Variants in CUL2 observed in about 807,000 individuals in gnomAD.
CUL2 encodes cullin 2, also known as cullin-2.
CUL2 carries 22 observed loss-of-function variants against 110.2 expected under a neutral mutation model. That is an observed-to-expected ratio of 0.20 (90% CI 0.14 to 0.28). The LOEUF (loss-of-function observed/expected upper bound fraction) is 0.28. Among genes scored for constraint, CUL2 ranks in the 10% least tolerant of loss-of-function variants. The pLI is 1.00. For missense variants in CUL2, 631 were observed against 905.5 expected (o/e 0.70, Z 3.89); for synonymous variants, 279 against 293.2 (o/e 0.95, Z 0.49).
At chr10:35,027,560 CCA>C (rs2085367999) in intron 16 of CUL2, among the ~76,000 whole-genome samples, 1 of 152,090 alleles carries the variant, frequency 6.6e-6, no homozygotes, top group African/African-American at 2.4e-5. Flanking sequence ...AGCTTTAATT[CCA>C]CAGTTTTGAG....
chr10:35,068,173 C>T (rs117379382), intron 2 of CUL2, among the ~76,000 whole-genome samples: 2 of 151,244 alleles, frequency 1.3e-5, no homozygotes, highest in Non-Finnish European at 2.9e-5. Context: ...GTAATCTCAG[C>T]ACTTCAGGAG....
rs901460731 is a variant in CUL2 at position 35,049,831 on chromosome 10, T to A, written c.424-66A>T. 8.4e-6 allele frequency: 9 copies of A among 1,066,766 alleles called. No homozygotes were observed. In the South Asian group the frequency reaches 8.6e-5, roughly 10 times the overall value. The allele number at this position is 1,066,766 out of a possible 1,614,324, so 66.1% of individuals were successfully genotyped here. On this transcript the variant is annotated intron_variant, in intron 5 of 20. Transcript: ENST00000374749. ...GTATATGTTTAACATTTCCTCAAGG[T>A]TTTTTTTAACTAAAAATACTCATCA...
rs1554851929 is a variant in CUL2 at position 35,009,201 on chromosome 10, T to TATTATATATA, written c.*1109_*1110insTATATATAAT. 1 of 137,896 alleles carries TATTATATATA rather than the reference T, an allele frequency of 7.3e-6. No homozygotes were observed. The highest frequency in any genetic ancestry group is 2.7e-5 in the African/African-American group (1 of 37,358). 8.5% of individuals were successfully genotyped at this position (137,896 alleles called of 1,614,324 possible). A position where few individuals can be genotyped will look rare whatever the true frequency, so the allele number is the denominator to read the frequency against. ...CTGTTGAGATATATATATATATATATTATATATATATATATATATAAAATA... is the reference window on the plus strand; with the variant it reads ...CTGTTGAGATATATATATATATATATATTATATATATATATATATATATATATATAAAATA... On this transcript the variant is annotated 3_prime_UTR_variant, in exon 21 of 21. Coordinates refer to ENST00000374749, the MANE Select transcript of CUL2 (RefSeq NM_003591.4).
intron 18 of CUL2, among the ~76,000 whole-genome samples, chr10:35,015,121 C>G (rs1462739726): frequency 2.6e-5 from 4 of 151,908 alleles, no homozygotes; most frequent in African/African-American, 7.3e-5. Context: ...TTGTGAAACC[C>G]TATCTCTACT....
intron 16 of CUL2, among the ~76,000 whole-genome samples, chr10:35,027,248 G>A (rs1276460641): frequency 6.7e-6 from 1 of 149,968 alleles, no homozygotes; most frequent in Non-Finnish European, 1.5e-5. Context: ...GGGTTCAACC[G>A]ATTCTCTTGC....
intron 19 of CUL2, among the ~76,000 whole-genome samples, chr10:35,012,710 T>TA (rs2084934709): frequency 1.3e-5 from 2 of 152,178 alleles, no homozygotes; most frequent in Admixed American, 1.3e-4. Context: ...GGTTTCAAAG[T>TA]AAATGGCAGT....
At chr10:35,065,752 G>A (rs972679777) in intron 2 of CUL2, among the ~76,000 whole-genome samples, 7 of 151,066 alleles carry the variant, frequency 4.6e-5, no homozygotes, top group Admixed American at 1.3e-4. Context: ...CCAGCTACTC[G>A]GGAGGCTGAG....
In CUL2 at chr10:35,010,523, G is replaced by C. The variant is rs563193801; in HGVS notation, c.2107-81C>G. 28 of 1,361,722 alleles carry C rather than the reference G, an allele frequency of 2.1e-5. No homozygotes were observed. In the South Asian group the frequency reaches 3.2e-4, roughly 15 times the overall value. 84.4% of individuals were successfully genotyped at this position (1,361,722 alleles called of 1,614,324 possible). On this transcript the variant is annotated intron_variant, in intron 20 of 20. Transcript: ENST00000374749. ...GACTTTTAACCAATCAGTTTAAAGTGCCTCAAATGTACTGAGGTTTCAACA... is the reference window on the plus strand; with the variant it reads ...GACTTTTAACCAATCAGTTTAAAGTCCCTCAAATGTACTGAGGTTTCAACA...
intron 2 of CUL2, among the ~76,000 whole-genome samples, chr10:35,066,354 C>G (rs1040997158): frequency 4.0e-5 from 6 of 151,616 alleles, no homozygotes; most frequent in Non-Finnish European, 8.8e-5. Flanking sequence ...CCAGGCAGTG[C>G]GGTGGCGTGA....
In CUL2 at chr10:35,035,232, C is replaced by T; in HGVS notation, c.942G>A (p.Glu314=). The T allele has an allele frequency of 6.2e-7, 1 of 1,614,148 alleles. No individual in the cohort carries two copies. Among genetic ancestry groups the T allele is most frequent in the East Asian group, 2.2e-5 (1 of 44,876 alleles). Residue 314 remains glutamate (E), a synonymous_variant, in exon 10 of 21, where the codon GAG becomes GAA. Coordinates refer to ENST00000374749, the MANE Select transcript of CUL2 (RefSeq NM_003591.4). ...CCTCATCATGGATGTGGTTTTGCAG[C>T]TCCTGAATCATATGAGGTAAACCAG... ...VSTGLPHMIQ[E]LQNHIHDEGL...
At chr10:35,090,940 C>A (rs956375985), upstream of CUL2, among the ~76,000 whole-genome samples, 2 of 152,194 alleles carry the variant, frequency 1.3e-5, no homozygotes, top group African/African-American at 4.8e-5. Context: ...TGCAAATGAT[C>A]AAAAATAAAT....
At chr10:35,052,249 C>G in intron 5 of CUL2, among the ~76,000 whole-genome samples, 1 of 152,080 alleles carries the variant, frequency 6.6e-6, no homozygotes, top group East Asian at 1.9e-4. Flanking sequence ...TCAAGTTTTG[C>G]CTTTCTTTCT....
Position 35,104,911 on chromosome 10 carries a change from T to G in CUL2, c.-50-3851A>C, listed in dbSNP as rs559555301. On this transcript the variant is annotated intron_variant, in intron 1 of 5. Transcript: ENST00000685421. ...CACCCAGCTAATTTTGTATCTTAAG[T>G]AGAAACGGAGTTTCTCCATGTTGGT... Among the ~76,000 whole-genome samples the G allele has an allele frequency of 3.9e-3, 587 of 151,928 alleles. 2 individuals carry two copies. The highest frequency in any genetic ancestry group is 6.9e-3 in the Non-Finnish European group (468 of 67,954).
intron 9 of CUL2, among the ~76,000 whole-genome samples, chr10:35,038,149 C>CA (rs1337530631): frequency 6.6e-6 from 1 of 151,256 alleles, no homozygotes; most frequent in Non-Finnish European, 1.5e-5. Context: ...GACTCCATCT[C>CA]AAAAAAATTA....
chr10:35,042,220 T>C (rs2085810927), intron 8 of CUL2, among the ~76,000 whole-genome samples: 1 of 151,682 alleles, frequency 6.6e-6, no homozygotes, highest in Admixed American at 6.5e-5. Context: ...TTTGAATTTG[T>C]CTGTTCTAGA....
intron 1 of CUL2, among the ~76,000 whole-genome samples, chr10:35,104,090 A>T (rs2135114331): frequency 6.6e-6 from 1 of 152,316 alleles, no homozygotes; most frequent in Middle Eastern, 3.4e-3. Flanking sequence ...AAACACTGTT[A>T]TTGAGATAAG....
chr10:35,025,307 T>C, intron 16 of CUL2, 109 bp from the exon 17 acceptor site: 11 of 1,355,450 alleles, frequency 8.1e-6, no homozygotes, highest in Non-Finnish European at 9.6e-6. Context: ...AGAAGAGACA[T>C]TAAAGCCCAT....
chr10:35,089,668 G>C (rs2087154308), intron 1 of CUL2, among the ~76,000 whole-genome samples: 1 of 152,296 alleles, frequency 6.6e-6, no homozygotes, highest in Admixed American at 6.5e-5. Flanking sequence ...GCTAGAAAGC[G>C]TGTGAGGATC....
intron 5 of CUL2, among the ~76,000 whole-genome samples, chr10:35,052,989 T>C (rs1161303605): frequency 6.6e-6 from 1 of 151,696 alleles, no homozygotes; most frequent in Non-Finnish European, 1.5e-5. Flanking sequence ...AACAAACTTA[T>C]GTAAAAAGAC....
Sources: gnomAD v4.1 joint callset for allele counts (sites outside exome capture counted in the v4.1 genomes callset) on GRCh38, gnomAD v4.1.1 for gene constraint, MANE v1.5 for transcripts, NCBI Gene and HGNC (gene_info 2026-07-23, HGNC 2026-07-21) for gene names.